PARD3B: variants seen among roughly 807,000 people sequenced by gnomAD.
PARD3B encodes the protein par-3 family cell polarity regulator beta.
In PARD3B, 103 loss-of-function variants were observed where a neutral mutation model predicts 130.2. The observed-to-expected ratio is 0.79, with a 90% CI of 0.67 to 0.93. The LOEUF is 0.93. PARD3B is among the 40% of genes least tolerant of loss of function. The probability of loss-of-function intolerance (pLI) is 0.00; values close to 1 mark genes in which losing one functional copy is unlikely to be tolerated. For missense variants in PARD3B, 1,609 were observed against 1,499.2 expected, an observed-to-expected ratio of 1.07 and a Z score of -1.21; for synonymous variants, 583 against 553.2, an observed-to-expected ratio of 1.05 and a Z score of -0.76.
chr2:204,695,320 T>C (rs920939657), intron 2 of PARD3B, among the ~76,000 whole-genome samples: 3 of 151,964 alleles, frequency 2.0e-5, no homozygotes, highest in African/African-American at 7.2e-5. Flanking sequence ...CTCATTGTAA[T>C]ACCTAAAATT....
chr2:205,155,362 T>C (rs1438323144), intron 10 of PARD3B, among the ~76,000 whole-genome samples: 2 of 152,154 alleles, frequency 1.3e-5, no homozygotes, highest in African/African-American at 2.4e-5. Flanking sequence ...CTATGCCTGC[T>C]CCAAAATATA....
chr2:205,032,630 C>T (rs982296817), intron 3 of PARD3B, among the ~76,000 whole-genome samples: 2 of 152,130 alleles, frequency 1.3e-5, no homozygotes, highest in Admixed American at 6.6e-5. Flanking sequence ...ATTTGATTAA[C>T]ACTGGTTTAA....
chr2:204,958,682 A>G (rs1459008880), intron 2 of PARD3B, among the ~76,000 whole-genome samples: 1 of 152,172 alleles, frequency 6.6e-6, no homozygotes, highest in Non-Finnish European at 1.5e-5. Flanking sequence ...TTAACCTTTC[A>G]TTGTGTGCCA....
At chr2:205,503,037 T>TCTCTTCC (rs1304437862) in intron 21 of PARD3B, among the ~76,000 whole-genome samples, 32 of 143,140 alleles carry the variant, frequency 2.2e-4, no homozygotes, top group African/African-American at 7.2e-4. Context: ...CTCTCTCTTC[T>TCTCTTCC]CTCTTCCCTC....
chr2:204,715,156 G>A lies in PARD3B; in HGVS notation c.222+28874G>A, dbSNP rs2038657567. ...TGTTCTTTAGAAATCCTTGTGTTCA[G>A]AAGTCAAAGGTGAAGAAGTATTTCT... On this transcript the variant is annotated intron_variant, in intron 2 of 22. Coordinates refer to ENST00000406610, the MANE Select transcript of PARD3B (RefSeq NM_001302769.2). Among the ~76,000 whole-genome samples the A allele has an allele frequency of 2.0e-5, 3 of 152,248 alleles. No homozygotes were observed. The South Asian group carries it at 6.2e-4, about 32-fold the overall frequency.
intron 1 of PARD3B, among the ~76,000 whole-genome samples, chr2:204,672,414 G>A (rs144334804): frequency 7.6e-4 from 116 of 152,340 alleles, no homozygotes; most frequent in African/African-American, 2.6e-3. Context: ...CAGATGGCCA[G>A]TGTATCCAGA....
rs914051519 is a variant in PARD3B, at chr2:205,402,666, C to A, written c.2741+1543C>A. Among the ~76,000 whole-genome samples the A allele has an allele frequency of 2.8e-4, 43 of 152,144 alleles. 1 individual carries two copies. Among genetic ancestry groups the A allele is most frequent in the Non-Finnish European group, 8.8e-5 (6 of 68,038 alleles). On this transcript the variant is annotated intron_variant, in intron 19 of 22. Transcript: ENST00000406610. ...TTTAGTAGGCAGGTGCCTGAGGGAGCCTTGTTCTTAAAAGCTGAGCTGTAA... is the reference window on the plus strand; with the variant it reads ...TTTAGTAGGCAGGTGCCTGAGGGAGACTTGTTCTTAAAAGCTGAGCTGTAA...
At chr2:205,349,819 TTA>T (rs1491528517) in intron 18 of PARD3B, among the ~76,000 whole-genome samples, 3 of 147,942 alleles carry the variant, frequency 2.0e-5, no homozygotes, top group African/African-American at 5.0e-5. Context: ...TTTTTTTTTT[TTA>T]AAAAAAGAGG....
At chr2:204,565,273 G>A (rs1308886970) in intron 1 of PARD3B, among the ~76,000 whole-genome samples, 4 of 152,112 alleles carry the variant, frequency 2.6e-5, no homozygotes, top group African/African-American at 9.7e-5. Flanking sequence ...CTCGCAACAC[G>A]GAGTATTATA....
At chr2:205,537,705 C>A (rs773385375) in intron 21 of PARD3B, among the ~76,000 whole-genome samples, 12 of 152,286 alleles carry the variant, frequency 7.9e-5, no homozygotes, top group Non-Finnish European at 1.6e-4. Context: ...GGGAAGGAAG[C>A]CAGCTGTCAT....
chr2:204,716,761 C>A (rs774606133), intron 2 of PARD3B, among the ~76,000 whole-genome samples: 78 of 151,442 alleles, frequency 5.2e-4, no homozygotes, highest in Non-Finnish European at 9.7e-4. Flanking sequence ...TAGCTGGGAC[C>A]ACAGGCGCCC....
At chr2:205,238,849 A>AAAAAAAATAT (rs1273582854) in intron 15 of PARD3B, among the ~76,000 whole-genome samples, 17 of 76,900 alleles carry the variant, frequency 2.2e-4, no homozygotes, top group East Asian at 1.7e-3. Context: ...AAAAAAAAAA[A>AAAAAAAATAT]ATATATATAT....
chr2:204,662,463 G>T (rs1476334919), intron 1 of PARD3B, among the ~76,000 whole-genome samples: 2 of 152,088 alleles, frequency 1.3e-5, no homozygotes, highest in Non-Finnish European at 2.9e-5. Context: ...CTGCCTTTCA[G>T]TCATTCATTC....
intron 5 of PARD3B, among the ~76,000 whole-genome samples, chr2:205,106,323 A>G (rs1490570536): frequency 6.6e-6 from 1 of 151,832 alleles, no homozygotes; most frequent in Non-Finnish European, 1.5e-5. Context: ...CTAATTTTGT[A>G]TTTATAGCAG....
intron 5 of PARD3B, 95 bp downstream of exon 5, chr2:205,104,609 G>C: frequency 1.2e-6 from 1 of 866,050 alleles, no homozygotes; most frequent in South Asian, 1.7e-5. Flanking sequence ...AGAAAGATCA[G>C]GATAAGTAGA....
chr2:205,489,551 T>TATATATAC (rs1553524260), intron 20 of PARD3B, among the ~76,000 whole-genome samples: 5 of 138,502 alleles, frequency 3.6e-5, no homozygotes, highest in South Asian at 2.3e-4. Context: ...TATATATGTA[T>TATATATAC]ATATATACAT....
Position 204,799,650 on chromosome 2 carries a change from C to T in PARD3B, c.222+113368C>T, listed in dbSNP as rs1381725598. Among the ~76,000 whole-genome samples, 1 of 152,160 alleles carries T rather than the reference C, an allele frequency of 6.6e-6. No homozygotes were observed. The highest frequency in any genetic ancestry group is 2.4e-5 in the African/African-American group (1 of 41,446). ...GTGCTCATGTTATCCCTCTCCAGCT[C>T]CAGGCAGCTCAGCACAGAGAAAGAC... On this transcript the variant is annotated intron_variant, in intron 2 of 22. Coordinates refer to ENST00000406610, the MANE Select transcript of PARD3B (RefSeq NM_001302769.2). This position sits in a 1 kb window ranked among gnomAD's most constrained non-coding sequence, Gnocchi z 4.1.
chr2:204,836,524 G>A (rs2044037780), intron 2 of PARD3B, among the ~76,000 whole-genome samples: 2 of 152,092 alleles, frequency 1.3e-5, no homozygotes, highest in South Asian at 2.1e-4. Flanking sequence ...TTAGCTGGGT[G>A]TGGTGGTTCA....
At position 205,553,322 on chromosome 2, in the gene PARD3B, AGGTGCCTGGAAG is replaced by A. The variant is rs2052731776; in HGVS notation, c.3182_3193del (p.Val1061_Arg1064del). The A allele has an allele frequency of 1.9e-6, 3 of 1,613,420 alleles. No individual in the cohort carries two copies. Among genetic ancestry groups the A allele is most frequent in the Non-Finnish European group, 2.5e-6 (3 of 1,179,514 alleles). On this transcript the variant is annotated splice_acceptor_variant and coding_sequence_variant, in exon 22 of 23. Transcript: ENST00000406610. LOFTEE classifies it high-confidence loss of function. ...CATCTCTAATTGCTTTTCTCTCCAC[AGGTGCCTGGAAG>A]GGGTCCAGATGGGAATGCACACAAC...
Sources: allele counts gnomAD v4.1 joint callset (sites outside exome capture counted in the v4.1 genomes callset), GRCh38; gene constraint gnomAD v4.1.1; non-coding constraint Gnocchi (gnomAD v3.1); transcripts MANE v1.5; gene names NCBI Gene and HGNC (gene_info 2026-07-23, HGNC 2026-07-21).